The following ARHGEF26 variants were observed in gnomAD, a reference collection of about 807,000 sequenced individuals.
ARHGEF26 encodes the protein Rho guanine nucleotide exchange factor (GEF) 26.
Under a neutral mutation model 89.4 loss-of-function variants are expected in ARHGEF26, and 59 were observed. The observed-to-expected ratio is 0.66, with a 90% CI of 0.54 to 0.82. The LOEUF (loss-of-function observed/expected upper bound fraction) is 0.82. Among genes scored for constraint, ARHGEF26 ranks in the 40% least tolerant of loss-of-function variants. ARHGEF26 has a pLI of 0.00. For synonymous variants in ARHGEF26, 500 were observed against 428.4 expected (o/e 1.17, Z -2.06); for missense variants, 1,234 against 1,085.6 (o/e 1.14, Z -1.92).
At chr3:154,187,503 G>A (rs1223306388) in intron 6 of ARHGEF26, among the ~76,000 whole-genome samples, 182 bp from the exon 7 acceptor site, 1 of 151,494 alleles carries the variant, frequency 6.6e-6, no homozygotes, top group East Asian at 1.9e-4. Context: ...TCCTCAAGGA[G>A]GTGTTAATAT....
At chr3:154,206,944 CA>C in intron 9 of ARHGEF26, among the ~76,000 whole-genome samples, 1 of 151,932 alleles carries the variant, frequency 6.6e-6, no homozygotes, top group Non-Finnish European at 1.5e-5. Flanking sequence ...ATAGAGAAAC[CA>C]AAAATAAGAC....
At chr3:154,152,999 T>G in intron 6 of ARHGEF26, 67 bp downstream of exon 6, 1 of 1,324,274 alleles carries the variant, frequency 7.6e-7, no homozygotes, top group Non-Finnish European at 9.9e-7. Context: ...CTTTGTTATC[T>G]CTAAAGGAAG....
chr3:154,228,335 C>T (rs544685414), intron 11 of ARHGEF26, among the ~76,000 whole-genome samples: 1 of 151,900 alleles, frequency 6.6e-6, no homozygotes, highest in East Asian at 1.9e-4. Flanking sequence ...TGGGGTTTCT[C>T]CATGTTTGTC....
intron 12 of ARHGEF26, among the ~76,000 whole-genome samples, chr3:154,245,758 AAG>A (rs902255647): frequency 2.6e-5 from 4 of 152,182 alleles, no homozygotes; most frequent in African/African-American, 9.7e-5. Context: ...AGAACTTCTC[AAG>A]AGAGTGGCCT....
At chr3:154,224,481 CTT>C (rs1716354402) in intron 10 of ARHGEF26, among the ~76,000 whole-genome samples, 1 of 152,228 alleles carries the variant, frequency 6.6e-6, no homozygotes, top group Non-Finnish European at 1.5e-5. Context: ...TGCACTGAAA[CTT>C]AACCATAATA....
intron 6 of ARHGEF26, among the ~76,000 whole-genome samples, chr3:154,167,426 T>C (rs1712114696): frequency 6.6e-6 from 1 of 152,196 alleles, no homozygotes; most frequent in South Asian, 2.1e-4. Context: ...TCTTCTTTCC[T>C]TTCCTCCTTT....
intron 6 of ARHGEF26, among the ~76,000 whole-genome samples, chr3:154,168,463 C>T (rs1576728429): frequency 6.6e-6 from 1 of 151,912 alleles, no homozygotes; most frequent in Non-Finnish European, 1.5e-5. Flanking sequence ...TGTAGTCCCA[C>T]CTACTTGGGA....
chr3:154,122,423 T>C lies in ARHGEF26; in HGVS notation c.431T>C (p.Leu144Pro). 2 of 1,611,086 alleles carry C rather than the reference T, an allele frequency of 1.2e-6. No individual in the cohort carries two copies. Among genetic ancestry groups the C allele is most frequent in the Non-Finnish European group, 1.7e-6 (2 of 1,179,044 alleles). The change falls in exon 2 of 15, where the codon CTG (leucine) becomes CCG (proline). Residue 144 changes from leucine (L) to proline (P), a missense_variant. Leu to Pro is a moderately conservative substitution (Grantham distance 98, BLOSUM62 -3). Coordinates refer to ENST00000465093, the MANE Select transcript of ARHGEF26 (RefSeq NM_015595.4). ...TLPAPPPPPV[L>P]RPPRTPNAPA... ...CCTGCGCCGCCGCCGCCGCCGGTTCTGCGCCCCCCGCGGACTCCTAACGCG... is the reference window on the plus strand; with the variant it reads ...CCTGCGCCGCCGCCGCCGCCGGTTCCGCGCCCCCCGCGGACTCCTAACGCG...
At chr3:154,220,610 T>C (rs941334545) in intron 10 of ARHGEF26, among the ~76,000 whole-genome samples, 10 of 152,074 alleles carry the variant, frequency 6.6e-5, no homozygotes, top group Non-Finnish European at 1.0e-4. Flanking sequence ...AGGGTGGAGC[T>C]ACAGTAGCAG....
chr3:154,218,228 GAA>G lies in ARHGEF26; in HGVS notation c.1935+271_1935+272del, dbSNP rs1263270983. Among the ~76,000 whole-genome samples the G allele has an allele frequency of 9.9e-5, 15 of 152,150 alleles. No individual in the cohort carries two copies. The East Asian group carries it at 2.7e-3, about 27-fold the overall frequency. ...GCTTAGGGGAATAAATAAAATAATA[GAA>G]TAGGGTAGTTAAAATAATAGAATTT... is the stretch of plus-strand genomic sequence containing the variant. On this transcript the variant is annotated intron_variant, in intron 10 of 14. Transcript: ENST00000465093.
chr3:154,149,739 T>C (rs1197923868), intron 5 of ARHGEF26, among the ~76,000 whole-genome samples: 1 of 152,018 alleles, frequency 6.6e-6, no homozygotes, highest in African/African-American at 2.4e-5. Flanking sequence ...CAACATTAGA[T>C]CTTAGAACTG....
chr3:154,240,648 C>A, intron 12 of ARHGEF26, 69 bp downstream of exon 12: 1 of 1,405,890 alleles, frequency 7.1e-7, no homozygotes, highest in Non-Finnish European at 9.6e-7. Context: ...CTTTGGTTTA[C>A]AGACTTCCTA....
intron 6 of ARHGEF26, among the ~76,000 whole-genome samples, chr3:154,186,158 CA>C (rs1713517806): frequency 6.6e-6 from 1 of 151,594 alleles, no homozygotes; most frequent in African/African-American, 2.4e-5. Flanking sequence ...CACACACACA[CA>C]CACACACCCC....
At chr3:154,245,733 C>T (rs189044689) in intron 12 of ARHGEF26, among the ~76,000 whole-genome samples, 1 of 152,302 alleles carries the variant, frequency 6.6e-6, no homozygotes, top group African/African-American at 2.4e-5. Context: ...CTGCTACATC[C>T]TTCCTTTCCT....
At chr3:154,219,921 A>AC (rs11389606) in intron 10 of ARHGEF26, among the ~76,000 whole-genome samples, 2 of 27,554 alleles carry the variant, frequency 7.3e-5, no homozygotes, top group Non-Finnish European at 1.1e-4. Context: ...CTCAAAAAAA[A>AC]CAAAAAACAA....
intron 7 of ARHGEF26, among the ~76,000 whole-genome samples, chr3:154,188,691 C>G (rs182235537): frequency 6.6e-6 from 1 of 152,234 alleles, no homozygotes; most frequent in African/African-American, 2.4e-5. Context: ...AACTTCTGTG[C>G]AATATGTGAG....
At chr3:154,240,906 A>G (rs1717448596) in intron 12 of ARHGEF26, among the ~76,000 whole-genome samples, 1 of 152,234 alleles carries the variant, frequency 6.6e-6, no homozygotes, top group South Asian at 2.1e-4. Flanking sequence ...TCCTTAAGGA[A>G]TATGACTCAA....
chr3:154,202,815 A>G (rs1210882291), intron 9 of ARHGEF26, among the ~76,000 whole-genome samples: 2 of 146,138 alleles, frequency 1.4e-5, no homozygotes, highest in Non-Finnish European at 3.0e-5. Context: ...TTATTGGTGT[A>G]TAAGAATGCT....
At chr3:154,162,939 G>A (rs890137134) in intron 6 of ARHGEF26, among the ~76,000 whole-genome samples, 11 of 152,140 alleles carry the variant, frequency 7.2e-5, no homozygotes, top group East Asian at 1.9e-4. Context: ...TTGAGCCGCC[G>A]TATTTGTGAT....
Sources: gnomAD v4.1 joint callset for allele counts (sites outside exome capture counted in the v4.1 genomes callset) on GRCh38, gnomAD v4.1.1 for gene constraint, MANE v1.5 for transcripts, NCBI Gene and HGNC (gene_info 2026-07-23, HGNC 2026-07-21) for gene names.